The following TTLL5 variants were observed in gnomAD, a reference collection of about 807,000 sequenced individuals.
TTLL5 encodes tubulin polyglutamylase TTLL5.
TTLL5 carries 132 observed loss-of-function variants against 168.4 expected under a neutral mutation model. That is an observed-to-expected ratio of 0.78 (90% confidence interval 0.68 to 0.91). The LOEUF (loss-of-function observed/expected upper bound fraction) is 0.91, where lower values mean the gene tolerates loss of function less well. Among genes scored for constraint, TTLL5 ranks in the 40% least tolerant of loss-of-function variants. The pLI is 0.00. For missense variants in TTLL5, 1,545 were observed against 1,581.5 expected (o/e 0.98, Z 0.39); for synonymous variants, 546 against 558.6 (o/e 0.98, Z 0.32).
chr14:75,760,034 C>T (rs1890533702), intron 18 of TTLL5, among the ~76,000 whole-genome samples: 1 of 151,954 alleles, frequency 6.6e-6, no homozygotes, highest in African/African-American at 2.4e-5. Flanking sequence ...AAGAAATGCA[C>T]ACAGATTGGA....
chr14:75,766,381 T>C lies in TTLL5; in HGVS notation c.2015+13T>C. 1 of 1,589,790 alleles carries C rather than the reference T, an allele frequency of 6.3e-7. No homozygotes were observed. The highest frequency in any genetic ancestry group is 1.2e-5 in the South Asian group (1 of 86,348). On this transcript the variant is annotated intron_variant, in intron 20 of 31. Coordinates refer to ENST00000298832, the MANE Select transcript of TTLL5 (RefSeq NM_015072.5). ...ATGGCAATCTTAGGTATGTATCTTT[T>C]ATAATTATATTAGTAAAACTGATAA...
chr14:75,707,604 A>T lies in TTLL5; in HGVS notation c.656-19A>T. On this transcript the variant is annotated intron_variant, in intron 8 of 31. Transcript: ENST00000298832. ...ATGAACTTAGTTTTTTTTTGTGAAT[A>T]CAAACTTTTTTTTTTTAGATTTCAA... 6.2e-7 allele frequency: 1 copy of T among 1,600,320 alleles called. No individual in the cohort carries two copies. The highest frequency in any genetic ancestry group is 1.7e-5 in the Admixed American group (1 of 58,190).
chr14:75,727,555 C>T (rs956010018), intron 12 of TTLL5, among the ~76,000 whole-genome samples: 3 of 152,074 alleles, frequency 2.0e-5, no homozygotes, highest in African/African-American at 7.2e-5. Context: ...TGGAGAGGGG[C>T]ACAAGGGAAT....
At chr14:75,818,116 G>T (rs981962349) in intron 27 of TTLL5, among the ~76,000 whole-genome samples, 17 of 152,016 alleles carry the variant, frequency 1.1e-4, no homozygotes, top group African/African-American at 3.9e-4. Context: ...GCGATTATAG[G>T]CGTGAGCCAC....
intron 26 of TTLL5, among the ~76,000 whole-genome samples, chr14:75,790,547 C>T (rs1455251978): frequency 1.3e-5 from 2 of 151,578 alleles, no homozygotes; most frequent in Admixed American, 1.3e-4. Flanking sequence ...TCATGGCTCA[C>T]TGCAGCCTTG....
chr14:75,909,891 G>A (rs2033300749), intron 31 of TTLL5, among the ~76,000 whole-genome samples: 1 of 152,224 alleles, frequency 6.6e-6, no homozygotes, highest in Non-Finnish European at 1.5e-5. Context: ...TTCCTGTCCT[G>A]AGGCCTCTTG....
chr14:75,765,076 A>G (rs1458689873), intron 19 of TTLL5, among the ~76,000 whole-genome samples: 1 of 152,188 alleles, frequency 6.6e-6, no homozygotes, highest in Non-Finnish European at 1.5e-5. Context: ...AATCCTGAGC[A>G]TTACTGTTCA....
intron 28 of TTLL5, among the ~76,000 whole-genome samples, chr14:75,850,124 G>C (rs1896765401): frequency 6.6e-6 from 1 of 151,630 alleles, no homozygotes; most frequent in Non-Finnish European, 1.5e-5. Context: ...AAAAAATCTG[G>C]GGCCGGGCAC....
At chr14:75,755,287 T>A (rs1594976300) in intron 18 of TTLL5, among the ~76,000 whole-genome samples, 1 of 151,198 alleles carries the variant, frequency 6.6e-6, no homozygotes, top group African/African-American at 2.4e-5. Context: ...ATAATAATAA[T>A]AATAATAATA....
chr14:75,933,260 C>T (rs1039667880), intron 31 of TTLL5, among the ~76,000 whole-genome samples: 2 of 152,056 alleles, frequency 1.3e-5, no homozygotes, highest in Non-Finnish European at 2.9e-5. Flanking sequence ...AGTTCCAGAC[C>T]AGCCTGGACA....
intron 9 of TTLL5, chr14:75,710,606 A>G (rs1887007106): frequency 6.6e-6 from 1 of 152,244 alleles, no homozygotes. Context: ...GCATGGCAAT[A>G]TGATGCACTG....
chr14:75,791,001 G>T (rs1892674831), intron 26 of TTLL5, among the ~76,000 whole-genome samples: 1 of 150,216 alleles, frequency 6.7e-6, no homozygotes, highest in Non-Finnish European at 1.5e-5. Context: ...AGCTACTCGG[G>T]AGGCTGAGGC....
chr14:75,796,911 T>A (rs1377538195), intron 27 of TTLL5, among the ~76,000 whole-genome samples: 1 of 152,172 alleles, frequency 6.6e-6, no homozygotes, highest in Non-Finnish European at 1.5e-5. Context: ...CTATGCAGGC[T>A]CTTTTTTGGT....
chr14:75,859,575 C>T (rs1362081629), intron 28 of TTLL5, among the ~76,000 whole-genome samples: 1 of 152,006 alleles, frequency 6.6e-6, no homozygotes, highest in Non-Finnish European at 1.5e-5. Flanking sequence ...ATTTACGGGG[C>T]CTGTGTACAA....
At position 75,715,624 on chromosome 14, in the gene TTLL5, G is replaced by T. The variant is rs573615850; in HGVS notation, c.741-2237G>T. On this transcript the variant is annotated intron_variant, in intron 9 of 31. Transcript: ENST00000298832. ...CACTAGACTGAGGGAGATATGGAGT[G>T]GAGCACTTTCACCCTTCAGGGGAAC... Among the ~76,000 whole-genome samples the T allele has an allele frequency of 5.7e-4, 87 of 152,196 alleles. 1 individual carries two copies. The highest frequency in any genetic ancestry group is 3.4e-3 in the Middle Eastern group (1 of 294).
intron 14 of TTLL5, among the ~76,000 whole-genome samples, chr14:75,734,473 A>G (rs1888761206): frequency 6.6e-6 from 1 of 152,228 alleles, no homozygotes; most frequent in Non-Finnish European, 1.5e-5. Flanking sequence ...TCTCATTTTA[A>G]GTAGATAAGC....
At chr14:75,683,876 C>T (rs1884821471) in intron 5 of TTLL5, 2 of 386,534 alleles carry the variant, frequency 5.2e-6, no homozygotes, top group African/African-American at 4.2e-5. Context: ...TGAGTTCAAG[C>T]AATTCTCCTG....
At chr14:75,913,452 C>A (rs2033469513) in intron 31 of TTLL5, among the ~76,000 whole-genome samples, 1 of 152,098 alleles carries the variant, frequency 6.6e-6, no homozygotes, top group Admixed American at 6.6e-5. Flanking sequence ...TTAACTGCTC[C>A]CTCTACTAAG....
chr14:75,939,801 CAGG>C (rs1468703413), intron 31 of TTLL5, among the ~76,000 whole-genome samples: 1 of 152,182 alleles, frequency 6.6e-6, no homozygotes, highest in Non-Finnish European at 1.5e-5. Flanking sequence ...GCATCTGCTA[CAGG>C]AGGAATGAGG....
Sources: gnomAD v4.1 joint callset for allele counts (sites outside exome capture counted in the v4.1 genomes callset) on GRCh38, gnomAD v4.1.1 for gene constraint, MANE v1.5 for transcripts, NCBI Gene and HGNC (gene_info 2026-07-23, HGNC 2026-07-21) for gene names.